MID1: variants seen among roughly 807,000 people sequenced by gnomAD.
MID1 encodes the protein E3 ubiquitin-protein ligase Midline-1.
MID1 carries 7 observed loss-of-function variants against 40.4 expected under a neutral mutation model. That is an observed-to-expected ratio of 0.17 (90% CI 0.10 to 0.33). The LOEUF (loss-of-function observed/expected upper bound fraction) is 0.33, where lower values mean the gene tolerates loss of function less well. Ranked by LOEUF, MID1 falls within the 10% of genes least tolerant of loss-of-function variation. The pLI is 1.00. For synonymous variants in MID1, 229 were observed against 221.2 expected (o/e 1.04, Z -0.31); for missense variants, 367 against 558.5 (o/e 0.66, Z 3.46).
At chrX:10,471,341 T>C (rs753103539) in intron 6 of MID1, among the ~76,000 whole-genome samples, 1 of 112,522 alleles carries the variant, frequency 8.9e-6, no homozygotes, top group Non-Finnish European at 1.9e-5. Flanking sequence ...CTTTGCTTTT[T>C]GAATATACCT....
chrX:10,722,004 C>T (rs2043359392), intron 1 of MID1, among the ~76,000 whole-genome samples: 1 of 111,161 alleles, frequency 9.0e-6, no homozygotes, highest in African/African-American at 3.3e-5. Flanking sequence ...AAACTGCCAC[C>T]AACATAGTTC....
chrX:10,460,112 A>G, intron 7 of MID1: 1 of 352,891 alleles, frequency 2.8e-6, no homozygotes, highest in Non-Finnish European at 5.1e-6. Context: ...GCTTTGGTCA[A>G]TAGCATGAGG....
intron 3 of MID1, among the ~76,000 whole-genome samples, chrX:10,512,766 A>G (rs1387135268): frequency 8.9e-6 from 1 of 112,180 alleles, no homozygotes; most frequent in Non-Finnish European, 1.9e-5. Flanking sequence ...GAATTAGACC[A>G]CTATATAGTT....
At chrX:10,729,959 C>G (rs1238536462) in intron 1 of MID1, among the ~76,000 whole-genome samples, 4 of 109,372 alleles carry the variant, frequency 3.7e-5, no homozygotes, top group African/African-American at 1.3e-4. Flanking sequence ...TGGCGGGCAC[C>G]TGTAGTCCCA....
intron 9 of MID1, among the ~76,000 whole-genome samples, chrX:10,454,087 A>T (rs953707521): frequency 1.4e-4 from 16 of 112,363 alleles, no homozygotes; most frequent in African/African-American, 5.2e-4. Flanking sequence ...GTGGCTGTGG[A>T]TTAGGCAAGG....
rs192766586 is a variant in MID1 at position 10,708,893 on chromosome X, C to T, written c.-186-88474G>A. 5.0e-4 allele frequency among the ~76,000 whole-genome samples: 56 copies of T among 112,332 alleles called. No homozygotes were observed. The Admixed American group carries it at 5.2e-3, about 10-fold the overall frequency. On this transcript the variant is annotated intron_variant, in intron 1 of 10. Transcript: ENST00000380785. Reference sequence around the variant, plus strand: ...CAGACATTCACTATAAAATGAATATCTAGTGAATTTTCCCTGGAGCCAACA... The same window carrying T: ...CAGACATTCACTATAAAATGAATATTTAGTGAATTTTCCCTGGAGCCAACA...
intron 3 of MID1, among the ~76,000 whole-genome samples, chrX:10,516,618 G>A (rs759841481): frequency 2.2e-4 from 21 of 97,668 alleles, no homozygotes; most frequent in Middle Eastern, 4.8e-3. Context: ...GTGCGCGCGC[G>A]CACGCGTGTG....
chrX:10,480,668 A>T (rs185947398), intron 5 of MID1, among the ~76,000 whole-genome samples: 15 of 112,113 alleles, frequency 1.3e-4, no homozygotes, highest in African/African-American at 4.5e-4. Flanking sequence ...CCAAGGAATC[A>T]GGAGGAAAGA....
intron 2 of MID1, among the ~76,000 whole-genome samples, chrX:10,530,063 TAGA>T (rs1932921132): frequency 1.8e-5 from 2 of 112,095 alleles, no homozygotes; most frequent in Non-Finnish European, 3.8e-5. Flanking sequence ...CTTGAGAGTT[TAGA>T]AGAATTTTTG....
rs2043728587 is a variant in MID1 at position 10,766,276 on chromosome X, G to A, written c.-187+67278C>T. 2.7e-5 allele frequency among the ~76,000 whole-genome samples: 3 copies of A among 111,960 alleles called. No individual in the cohort carries two copies. In the Admixed American group the frequency reaches 2.8e-4, roughly 11 times the overall value. ...AGGGTGTGCTACCATCATTTAGTGG[G>A]TAGAGGATATGTAGGGGACTACTAC... On this transcript the variant is annotated intron_variant, in intron 1 of 10. Transcript: ENST00000380785.
chrX:10,664,819 G>A lies in MID1; in HGVS notation c.-186-44400C>T, dbSNP rs760297876. 3.6e-5 allele frequency among the ~76,000 whole-genome samples: 4 copies of A among 112,067 alleles called. No individual in the cohort carries two copies. The East Asian group carries it at 1.1e-3, about 31-fold the overall frequency. The stretch of plus-strand genomic sequence containing the variant: ...TTTCTTGCACACACTTCTGGGTCTG[G>A]TCAGGTGAAAAGTGGGAGAGTGTAT... On this transcript the variant is annotated intron_variant, in intron 1 of 10. Transcript: ENST00000380785.
At chrX:10,510,555 G>A (rs748476885) in intron 3 of MID1, among the ~76,000 whole-genome samples, 3 of 111,402 alleles carry the variant, frequency 2.7e-5, no homozygotes, top group East Asian at 5.6e-4. Context: ...AACCCAGGCC[G>A]GGCGTGGTGG....
chrX:10,640,187 A>G (rs12011869), intron 1 of MID1, among the ~76,000 whole-genome samples: 7,337 of 111,455 alleles, frequency 0.066, 445 homozygotes, highest in African/African-American at 0.19. Context: ...AATGTAAATG[A>G]GCTAAATGCT....
chrX:10,516,560 TTGTGTG>T (rs57101806), intron 3 of MID1, among the ~76,000 whole-genome samples: 11,519 of 73,125 alleles, frequency 0.16, 871 homozygotes, highest in Non-Finnish European at 0.21. Context: ...TACTCTGCTC[TTGTGTG>T]TGTGTGTGTG....
In MID1 at chrX:10,662,835, C is replaced by T. The variant is rs780468681; in HGVS notation, c.-186-42416G>A. On this transcript the variant is annotated intron_variant, in intron 1 of 10. Coordinates refer to the MID1 transcript ENST00000380785. Reference sequence around the variant, plus strand: ...GGTCCAGCTTTGGCTCAGTCTTACACGGCATGTGAATGGTGAGGTTGAGGA... The same window carrying T: ...GGTCCAGCTTTGGCTCAGTCTTACATGGCATGTGAATGGTGAGGTTGAGGA... 3.2e-3 allele frequency among the ~76,000 whole-genome samples: 359 copies of T among 110,756 alleles called. 2 individuals are homozygous for T. The highest frequency in any genetic ancestry group is 0.011 in the African/African-American group (331 of 30,359).
At chrX:10,564,674 G>C (rs777295760) in intron 2 of MID1, among the ~76,000 whole-genome samples, 1 of 111,730 alleles carries the variant, frequency 9.0e-6, no homozygotes, top group Admixed American at 9.5e-5. Flanking sequence ...AAGAGGGCTA[G>C]AGCATGACAG....
At chrX:10,809,729 A>G (rs1661707390) in intron 1 of MID1, among the ~76,000 whole-genome samples, 1 of 94,632 alleles carries the variant, frequency 1.1e-5, no homozygotes, top group African/African-American at 3.9e-5. Context: ...CAATGAGAAC[A>G]CTTGGACACA....
At chrX:10,753,039 A>C (rs1462751337) in intron 1 of MID1, among the ~76,000 whole-genome samples, 2 of 111,674 alleles carry the variant, frequency 1.8e-5, no homozygotes, top group African/African-American at 6.5e-5. Flanking sequence ...TGGCTTCTGC[A>C]GTTTTAAGGG....
At chrX:10,832,535 C>T (rs183467101) in intron 1 of MID1, among the ~76,000 whole-genome samples, 1 of 112,263 alleles carries the variant, frequency 8.9e-6, no homozygotes, top group East Asian at 2.8e-4. Context: ...CTGTATATGA[C>T]AGAAAACAAC....
Sources: gnomAD v4.1 joint callset for allele counts (sites outside exome capture counted in the v4.1 genomes callset) on GRCh38, gnomAD v4.1.1 for gene constraint, MANE v1.5 for transcripts, NCBI Gene and HGNC (gene_info 2026-07-23, HGNC 2026-07-21) for gene names.